The following UBXN11 variants were observed in gnomAD, a reference collection of about 807,000 sequenced individuals.
The protein encoded by UBXN11 is UBX domain protein 11, also known as UBX domain-containing protein 11.
In UBXN11, 47 loss-of-function variants were observed where a neutral mutation model predicts 62.8. That is an observed-to-expected ratio of 0.75 (90% CI 0.59 to 0.95). The LOEUF is 0.95. Ranked by LOEUF, UBXN11 falls within the 40% of genes least tolerant of loss-of-function variation. UBXN11 has a pLI of 0.00. For synonymous variants in UBXN11, 294 were observed against 267.0 expected, an observed-to-expected ratio of 1.10 and a Z score of -0.99; for missense variants, 638 against 661.7, an observed-to-expected ratio of 0.96 and a Z score of 0.39.
intron 10 of UBXN11, 56 bp from the exon 11 acceptor site, chr1:26,284,538 CCA>C: frequency 6.5e-7 from 1 of 1,527,844 alleles, no homozygotes. Context: ...GCCCTTGGCC[CCA>C]CTTTCATCCC....
At chr1:26,316,809 C>G (rs1239376792) in intron 1 of UBXN11, among the ~76,000 whole-genome samples, 2 of 151,780 alleles carry the variant, frequency 1.3e-5, no homozygotes, top group African/African-American at 4.8e-5. Flanking sequence ...CAGCCACTCT[C>G]TCACCCCAGT....
chr1:26,301,114 T>C (rs2073523642), intron 3 of UBXN11, 90 bp from the exon 4 acceptor site: 4 of 1,599,910 alleles, frequency 2.5e-6, no homozygotes, highest in Non-Finnish European at 3.4e-6. Flanking sequence ...ACGCGGCCTA[T>C]GCACTGTGCC....
intron 1 of UBXN11, among the ~76,000 whole-genome samples, chr1:26,304,591 A>G (rs184237867): frequency 8.5e-5 from 13 of 152,194 alleles, no homozygotes; most frequent in Non-Finnish European, 1.6e-4. Flanking sequence ...CATCTCTACT[A>G]AAAATACAAA....
chr1:26,306,358 C>A (rs933228717), intron 1 of UBXN11: 3 of 152,348 alleles, frequency 2.0e-5, no homozygotes, highest in Non-Finnish European at 4.4e-5. Flanking sequence ...GGGACACGGT[C>A]CGGCCCGCTG....
chr1:26,283,628 TG>T (rs1006458576), intron 12 of UBXN11, among the ~76,000 whole-genome samples: 1 of 151,662 alleles, frequency 6.6e-6, no homozygotes, highest in Admixed American at 6.6e-5. Flanking sequence ...TGGTGGGTGG[TG>T]GGAATGTGGA....
rs370927575 is a variant in UBXN11, at chr1:26,301,021, T to A, written c.104A>T (p.Asp35Val). Reference protein sequence around the residue: ...RRGIRIYGDEDEVDMLSDGCG... With the variant: ...RRGIRIYGDEVEVDMLSDGCG... Reference sequence around the variant, plus strand: ...CCCATCACTCAACATGTCCACCTCATCTTCTGCAGACAGGGATGCCTAGGT... The same window carrying A: ...CCCATCACTCAACATGTCCACCTCAACTTCTGCAGACAGGGATGCCTAGGT... The change falls in exon 4 of 15, where the codon GAT (aspartate) becomes GTT (valine). Residue 35 changes from aspartate to valine, a missense_variant. Coordinates refer to ENST00000374222, the MANE Select transcript of UBXN11 (RefSeq NM_001389556.1). 1.9e-6 allele frequency: 3 copies of A among 1,614,094 alleles called. No homozygotes were observed. Among genetic ancestry groups the A allele is most frequent in the African/African-American group, 2.7e-5 (2 of 74,938 alleles).
At chr1:26,289,703 G>GT (rs2073213509) in intron 8 of UBXN11, among the ~76,000 whole-genome samples, 1 of 152,200 alleles carries the variant, frequency 6.6e-6, no homozygotes, top group Non-Finnish European at 1.5e-5. Context: ...GCATGTGTAA[G>GT]TATCACTGTG....
Position 26,297,928 on chromosome 1 carries a change from C to A in UBXN11, c.300+34G>T, listed in dbSNP as rs757060150. ...CAGCCCAGTCCCTCCACCTCTCAGA[C>A]CGGCCCCTGGCCCTCTCCCACCTGG... On this transcript the variant is annotated intron_variant, in intron 5 of 14. Transcript: ENST00000374222. The A allele has an allele frequency of 4.4e-6, 7 of 1,605,906 alleles. 1 individual carries two copies. Among genetic ancestry groups the A allele is most frequent in the Middle Eastern group, 3.3e-4 (2 of 6,068 alleles).
exon 1 of UBXN11, chr1:26,318,342 C>G (rs560327828): frequency 1.9e-5 from 8 of 426,908 alleles, no homozygotes; most frequent in Non-Finnish European, 3.4e-5. Flanking sequence ...GTTGGGGCAC[C>G]CAAGGGGTGT....
In UBXN11 at chr1:26,290,304, C is replaced by T. The variant is rs556125436; in HGVS notation, c.559+3901G>A. ...CAGTGGCCCTAGGAGCCCGTCAGCACGACTGAGGAGGAAATGAACTCAGAG... is the reference window on the plus strand; with the variant it reads ...CAGTGGCCCTAGGAGCCCGTCAGCATGACTGAGGAGGAAATGAACTCAGAG... On this transcript the variant is annotated intron_variant, in intron 8 of 14. Transcript: ENST00000374222. Among the ~76,000 whole-genome samples the T allele has an allele frequency of 2.0e-5, 3 of 152,302 alleles. No homozygotes were observed. In the South Asian group the frequency reaches 6.2e-4, roughly 32 times the overall value.
intron 10 of UBXN11, chr1:26,284,854 C>G: frequency 9.7e-7 from 1 of 1,026,154 alleles, no homozygotes; most frequent in Non-Finnish European, 1.2e-6. Flanking sequence ...CTTGCCTTAT[C>G]AAGGCATAGC....
intron 10 of UBXN11, 177 bp from the exon 11 acceptor site, chr1:26,284,659 C>T (rs1016257278): frequency 7.3e-7 from 1 of 1,373,116 alleles, no homozygotes; most frequent in East Asian, 2.9e-5. Flanking sequence ...TCATCTCCCT[C>T]AGCCCTGCTG....
chr1:26,313,782 C>CTTTTTTTTTTTT (rs56037016), intron 1 of UBXN11, among the ~76,000 whole-genome samples: 1 of 125,904 alleles, frequency 7.9e-6, no homozygotes, highest in Non-Finnish European at 1.7e-5. Context: ...AATTTTTTTT[C>CTTTTTTTTTTTT]TTTTTTTTTT....
intron 12 of UBXN11, among the ~76,000 whole-genome samples, 156 bp from the exon 13 acceptor site, chr1:26,283,093 A>G (rs1371926546): frequency 6.6e-6 from 1 of 152,168 alleles, no homozygotes; most frequent in Non-Finnish European, 1.5e-5. Flanking sequence ...AGGAGAGGCA[A>G]TGGAAGGGGA....
At position 26,282,547 on chromosome 1, in the gene UBXN11, C is replaced by G; in HGVS notation, c.1315G>C (p.Glu439Gln). 6.3e-7 allele frequency: 1 copy of G among 1,598,134 alleles called. No individual in the cohort carries two copies. Among genetic ancestry groups the G allele is most frequent in the South Asian group, 1.1e-5 (1 of 89,932 alleles). Reference protein sequence around the residue: ...QARVMDASAFEIFSTFPPTLY... With the variant: ...QARVMDASAFQIFSTFPPTLY... ...GTGGGCGGGAATGTGCTGAAGATCT[C>G]AAAGGCAGAGGCATCCATGACCCTG... The change falls in exon 15 of 15, where the codon GAG becomes CAG. Residue 439 changes from glutamate (E) to glutamine (Q), a missense_variant. Glu to Gln is a conservative substitution (Grantham distance 29, BLOSUM62 2). Transcript: ENST00000374222.
At chr1:26,295,753 AC>A (rs1205967913) in intron 7 of UBXN11, among the ~76,000 whole-genome samples, 1 of 152,114 alleles carries the variant, frequency 6.6e-6, no homozygotes, top group African/African-American at 2.4e-5. Flanking sequence ...GTACTTGTGT[AC>A]CTGTGTACTC....
At chr1:26,296,855 GA>G in intron 7 of UBXN11, 63 bp downstream of exon 7, 1 of 1,524,492 alleles carries the variant, frequency 6.6e-7, no homozygotes. Flanking sequence ...AGCTCCTGAG[GA>G]ACATGCCGTG....
At chr1:26,316,111 A>G (rs1570151154) in intron 1 of UBXN11, among the ~76,000 whole-genome samples, 1 of 143,586 alleles carries the variant, frequency 7.0e-6, no homozygotes, top group Non-Finnish European at 1.5e-5. Context: ...GGTTTGTGCC[A>G]CTATGCCCGG....
chr1:26,287,228 G>A (rs1269062821), intron 8 of UBXN11, among the ~76,000 whole-genome samples: 2 of 152,090 alleles, frequency 1.3e-5, no homozygotes, highest in African/African-American at 2.4e-5. Flanking sequence ...AACAGATATG[G>A]GACAGACCTT....
Sources: gnomAD v4.1 joint callset for allele counts (sites outside exome capture counted in the v4.1 genomes callset) on GRCh38, gnomAD v4.1.1 for gene constraint, MANE v1.5 for transcripts, NCBI Gene and HGNC (gene_info 2026-07-23, HGNC 2026-07-21) for gene names.